Variants in KCTD8 observed in about 807,000 individuals in gnomAD.
KCTD8 encodes BTB/POZ domain-containing protein KCTD8.
A neutral mutation model predicts 31.5 loss-of-function variants in KCTD8; 27 were observed. That is an observed-to-expected ratio of 0.86 (90% CI 0.63 to 1.18). KCTD8 has a LOEUF of 1.18. Among genes scored for constraint, KCTD8 ranks in the 50% most tolerant of loss-of-function variants. The probability of loss-of-function intolerance (pLI) is 0.00; values close to 1 mark genes in which losing one functional copy is unlikely to be tolerated. For missense variants in KCTD8, 658 were observed against 647.7 expected (o/e 1.02, Z -0.17); for synonymous variants, 290 against 280.0 (o/e 1.04, Z -0.36).
intron 1 of KCTD8, among the ~76,000 whole-genome samples, chr4:44,212,366 T>A (rs1460873527): frequency 1.3e-5 from 2 of 152,160 alleles, no homozygotes; most frequent in Non-Finnish European, 2.9e-5. Context: ...TGCATATGAA[T>A]CTACAACTAC....
chr4:44,178,122 A>G (rs1308357110), intron 1 of KCTD8, among the ~76,000 whole-genome samples: 1 of 152,248 alleles, frequency 6.6e-6, no homozygotes. Context: ...TTTGAACAAG[A>G]TACTTAGCTC....
At chr4:44,254,506 A>G (rs1312465666) in intron 1 of KCTD8, among the ~76,000 whole-genome samples, 1 of 151,856 alleles carries the variant, frequency 6.6e-6, no homozygotes, top group Non-Finnish European at 1.5e-5. Context: ...CTGTATACCA[A>G]CACAGACTTA....
At chr4:44,177,681 C>G (rs753870647) in intron 1 of KCTD8, among the ~76,000 whole-genome samples, 12 of 152,190 alleles carry the variant, frequency 7.9e-5, no homozygotes, top group Non-Finnish European at 1.5e-4. Context: ...TCCTCCTTGC[C>G]TTCTGTCATA....
intron 1 of KCTD8, among the ~76,000 whole-genome samples, chr4:44,335,896 A>G (rs144628600): frequency 0.029 from 4,451 of 152,106 alleles, 229 homozygotes; most frequent in African/African-American, 0.1. Flanking sequence ...CACGCCTGTA[A>G]TCCCAGCACT....
intron 1 of KCTD8, among the ~76,000 whole-genome samples, chr4:44,231,829 T>A (rs1577843397): frequency 6.6e-6 from 1 of 152,248 alleles, no homozygotes; most frequent in East Asian, 1.9e-4. Context: ...CTTTTTTCTC[T>A]CTTTGATGGA....
intron 1 of KCTD8, among the ~76,000 whole-genome samples, chr4:44,295,032 C>T (rs1422017628): frequency 1.3e-5 from 2 of 152,124 alleles, no homozygotes; most frequent in Non-Finnish European, 2.9e-5. Context: ...GTGGCTGATG[C>T]CTGTAATCTC....
intron 1 of KCTD8, among the ~76,000 whole-genome samples, chr4:44,313,355 A>G (rs1718009937): frequency 6.6e-6 from 1 of 152,194 alleles, no homozygotes; most frequent in African/African-American, 2.4e-5. Context: ...GATAATAGCC[A>G]TATGGTCTTG....
intron 1 of KCTD8, among the ~76,000 whole-genome samples, chr4:44,247,847 A>C (rs1366251373): frequency 6.6e-6 from 1 of 151,770 alleles, no homozygotes; most frequent in African/African-American, 2.4e-5. Flanking sequence ...TCACATTTTC[A>C]TCCATTCATC....
At chr4:44,189,445 C>T (rs371718295) in intron 1 of KCTD8, among the ~76,000 whole-genome samples, 2 of 79,048 alleles carry the variant, frequency 2.5e-5, no homozygotes, top group East Asian at 8.6e-4. Context: ...TTAATCCCTG[C>T]TTTCAACTAA....
chr4:44,417,891 A>G (rs180762202), intron 1 of KCTD8, among the ~76,000 whole-genome samples: 159 of 145,694 alleles, frequency 1.1e-3, no homozygotes, highest in Non-Finnish European at 1.6e-3. Context: ...CTACCAACAT[A>G]ATCTCACTGA....
intron 1 of KCTD8, among the ~76,000 whole-genome samples, chr4:44,253,613 T>C (rs1316262858): frequency 6.6e-6 from 1 of 151,722 alleles, no homozygotes; most frequent in Admixed American, 6.6e-5. Context: ...GCCACCTTCA[T>C]GGCAAGCACA....
intron 1 of KCTD8, among the ~76,000 whole-genome samples, chr4:44,204,265 G>T (rs1485997227): frequency 6.6e-6 from 1 of 151,990 alleles, no homozygotes; most frequent in African/African-American, 2.4e-5. Context: ...CCCTCATATT[G>T]TCTTATACCC....
intron 1 of KCTD8, among the ~76,000 whole-genome samples, chr4:44,382,997 T>C (rs1173499174): frequency 6.7e-6 from 1 of 148,182 alleles, no homozygotes; most frequent in African/African-American, 2.5e-5. Flanking sequence ...TCAGTAATGT[T>C]TCTATACACC....
chr4:44,278,023 G>A (rs1716799505), intron 1 of KCTD8, among the ~76,000 whole-genome samples: 1 of 151,964 alleles, frequency 6.6e-6, no homozygotes, highest in Admixed American at 6.6e-5. Flanking sequence ...CAGGGCTAAG[G>A]AATGTGATTG....
intron 1 of KCTD8, among the ~76,000 whole-genome samples, chr4:44,196,264 T>A (rs1191040187): frequency 6.6e-6 from 1 of 152,242 alleles, no homozygotes; most frequent in Non-Finnish European, 1.5e-5. Flanking sequence ...ACTCCTTCTT[T>A]ACCTACCAGT....
intron 1 of KCTD8, among the ~76,000 whole-genome samples, chr4:44,357,337 G>A (rs536829994): frequency 2.6e-5 from 4 of 152,000 alleles, no homozygotes; most frequent in African/African-American, 4.8e-5. Flanking sequence ...CTCTTCCATC[G>A]TTACCAAACC....
chr4:44,252,134 C>T (rs1267818097), intron 1 of KCTD8, among the ~76,000 whole-genome samples: 3 of 151,832 alleles, frequency 2.0e-5, no homozygotes, highest in South Asian at 2.1e-4. Flanking sequence ...TCCTGAGTTA[C>T]GTCACTTAGA....
intron 1 of KCTD8, among the ~76,000 whole-genome samples, chr4:44,229,609 T>G (rs1577842119): frequency 6.6e-6 from 1 of 152,122 alleles, no homozygotes; most frequent in Non-Finnish European, 1.5e-5. Flanking sequence ...CCTAGGATCA[T>G]GGTTAAATGG....
At chr4:44,205,695 T>C (rs113224507) in intron 1 of KCTD8, among the ~76,000 whole-genome samples, 1 of 152,208 alleles carries the variant, frequency 6.6e-6, no homozygotes. Flanking sequence ...ATAACAAATA[T>C]AATGTATTCT....
Sources: allele counts gnomAD v4.1 joint callset (sites outside exome capture counted in the v4.1 genomes callset), GRCh38; gene constraint gnomAD v4.1.1; transcripts MANE v1.5; gene names NCBI Gene and HGNC (gene_info 2026-07-23, HGNC 2026-07-21).